The following EYS variants were observed in gnomAD, a reference collection of about 807,000 sequenced individuals.
The protein encoded by EYS is protein eyes shut homolog.
EYS carries 250 observed loss-of-function variants against 282.1 expected under a neutral mutation model. The observed-to-expected ratio is 0.89, with a 90% confidence interval of 0.80 to 0.98. The LOEUF (loss-of-function observed/expected upper bound fraction) is 0.98, where lower values mean the gene tolerates loss of function less well. EYS is among the 50% of genes least tolerant of loss of function. The probability of loss-of-function intolerance (pLI) is 0.00; values close to 1 mark genes in which losing one functional copy is unlikely to be tolerated. For missense variants in EYS, 4,016 were observed against 3,709.0 expected (o/e 1.08, Z -2.15); for synonymous variants, 1,355 against 1,282.9 (o/e 1.06, Z -1.20).
At chr6:65,507,155 G>T (rs1192839353) in intron 2 of EYS, among the ~76,000 whole-genome samples, 2 of 151,406 alleles carry the variant, frequency 1.3e-5, no homozygotes, top group African/African-American at 4.9e-5. Context: ...GTCTGAGAAA[G>T]TTTTTACTTC....
At chr6:65,649,137 CAAAAAA>C (rs369237730) in intron 1 of EYS, among the ~76,000 whole-genome samples, 13 of 72,684 alleles carry the variant, frequency 1.8e-4, no homozygotes, top group African/African-American at 7.1e-4. Context: ...GACTCTGTCT[CAAAAAA>C]AAAAAAAAAA....
intron 31 of EYS, among the ~76,000 whole-genome samples, chr6:64,187,509 G>T (rs914428899): frequency 7.9e-5 from 12 of 151,884 alleles, no homozygotes; most frequent in African/African-American, 1.9e-4. Flanking sequence ...AAGGAAAAAA[G>T]AAAATAGCAA....
intron 26 of EYS, among the ~76,000 whole-genome samples, chr6:64,522,708 G>C (rs576558175): frequency 1.3e-5 from 2 of 151,680 alleles, no homozygotes; most frequent in African/African-American, 4.8e-5. Context: ...CTGAATTACT[G>C]TTTTCTTCAC....
At chr6:64,134,483 C>T (rs116298776) in intron 31 of EYS, among the ~76,000 whole-genome samples, 1,660 of 151,898 alleles carry the variant, frequency 0.011, 27 homozygotes, top group African/African-American at 0.037. Context: ...AGGGAATACA[C>T]AAATGATGAA....
At chr6:64,623,237 G>A (rs1197157735) in intron 23 of EYS, among the ~76,000 whole-genome samples, 2 of 152,106 alleles carry the variant, frequency 1.3e-5, no homozygotes, top group Non-Finnish European at 2.9e-5. Flanking sequence ...ATATTGTACA[G>A]ATCTCTAGAA....
chr6:65,630,362 G>T (rs1436111569), intron 2 of EYS, among the ~76,000 whole-genome samples: 1 of 152,168 alleles, frequency 6.6e-6, no homozygotes, highest in East Asian at 1.9e-4. Context: ...CCCCCCGCCT[G>T]GGGAAACAGG....
chr6:64,401,412 T>C (rs1304315326), intron 28 of EYS, among the ~76,000 whole-genome samples: 1 of 152,078 alleles, frequency 6.6e-6, no homozygotes, highest in African/African-American at 2.4e-5. Flanking sequence ...GGAATTAGTA[T>C]GAAATAAAAG....
At chr6:64,959,046 C>T (rs1010080114) in intron 14 of EYS, among the ~76,000 whole-genome samples, 1 of 152,124 alleles carries the variant, frequency 6.6e-6, no homozygotes, top group Non-Finnish European at 1.5e-5. Context: ...GGCTGATAGA[C>T]TACCTGCTTT....
At chr6:64,122,246 C>T (rs1363063902) in intron 31 of EYS, among the ~76,000 whole-genome samples, 1 of 152,040 alleles carries the variant, frequency 6.6e-6, no homozygotes, top group Non-Finnish European at 1.5e-5. Flanking sequence ...TTGGAAAATA[C>T]ATTTTAAGTA....
chr6:64,884,882 T>A (rs73767150), intron 19 of EYS, among the ~76,000 whole-genome samples: 23,427 of 151,528 alleles, frequency 0.15, 2,152 homozygotes, highest in East Asian at 0.49. Flanking sequence ...AAAATGGACA[T>A]GTGAGCAGTT....
chr6:65,459,600 C>T (rs951095199), intron 5 of EYS, among the ~76,000 whole-genome samples: 2 of 151,318 alleles, frequency 1.3e-5, no homozygotes, highest in African/African-American at 4.8e-5. Flanking sequence ...CAACTTTATA[C>T]CAAAGATGCT....
At chr6:64,299,692 C>G (rs954723082) in intron 30 of EYS, among the ~76,000 whole-genome samples, 4 of 152,200 alleles carry the variant, frequency 2.6e-5, no homozygotes, top group African/African-American at 9.7e-5. Context: ...GCTGGTGAAG[C>G]CTCAGTTTTG....
intron 22 of EYS, among the ~76,000 whole-genome samples, chr6:64,676,827 G>A (rs758873841): frequency 2.8e-4 from 43 of 152,114 alleles, no homozygotes; most frequent in East Asian, 1.9e-3. Context: ...TTCATAGCAC[G>A]AATTCCTTTC....
At chr6:64,351,888 T>C (rs1027496447) in intron 29 of EYS, among the ~76,000 whole-genome samples, 5 of 151,592 alleles carry the variant, frequency 3.3e-5, no homozygotes, top group Admixed American at 6.6e-5. Context: ...TGTGTATACA[T>C]AGTTATCAAA....
At chr6:65,196,835 C>A (rs996929890) in intron 12 of EYS, among the ~76,000 whole-genome samples, 2 of 151,982 alleles carry the variant, frequency 1.3e-5, no homozygotes, top group African/African-American at 4.8e-5. Context: ...TAATTGCGAA[C>A]GTTTTCCATT....
chr6:64,470,313 A>G (rs1430706258), intron 26 of EYS, among the ~76,000 whole-genome samples: 1 of 152,260 alleles, frequency 6.6e-6, no homozygotes, highest in Non-Finnish European at 1.5e-5. Flanking sequence ...TAGTGATATT[A>G]AAGAAATTGT....
intron 11 of EYS, chr6:65,329,707 G>A (rs542452935): frequency 2.9e-5 from 28 of 978,078 alleles, no homozygotes; most frequent in African/African-American, 1.2e-4. Context: ...CGGACATCAC[G>A]GCAGAAATTA....
At chr6:65,559,040 G>C (rs935633924) in intron 2 of EYS, among the ~76,000 whole-genome samples, 5 of 152,130 alleles carry the variant, frequency 3.3e-5, no homozygotes, top group African/African-American at 9.7e-5. Flanking sequence ...AGAATAAAGA[G>C]AGAAGCTATA....
intron 35 of EYS, among the ~76,000 whole-genome samples, chr6:63,871,228 G>A (rs963487579): frequency 4.4e-4 from 67 of 152,154 alleles, no homozygotes; most frequent in African/African-American, 1.4e-3. Flanking sequence ...GTCCTTTTAA[G>A]AATTTTCACT....
Sources: gnomAD v4.1 joint callset for allele counts (sites outside exome capture counted in the v4.1 genomes callset) on GRCh38, gnomAD v4.1.1 for gene constraint, MANE v1.5 for transcripts, NCBI Gene and HGNC (gene_info 2026-07-23, HGNC 2026-07-21) for gene names.